The following CACNA1E variants were observed in gnomAD, a reference collection of about 807,000 sequenced individuals.
The protein encoded by CACNA1E is calcium voltage-gated channel subunit alpha1 E, also known as voltage-dependent R-type calcium channel subunit alpha-1E.
Under a neutral mutation model 259.2 loss-of-function variants are expected in CACNA1E, and 40 were observed. The ratio of observed to expected loss-of-function variants is 0.15; its 90% CI spans 0.12 to 0.20. The LOEUF (loss-of-function observed/expected upper bound fraction) is 0.20, where lower values mean the gene tolerates loss of function less well. CACNA1E is among the 10% of genes least tolerant of loss of function. The pLI is 1.00. For synonymous variants in CACNA1E, 1,104 were observed against 1,138.5 expected (o/e 0.97, Z 0.61); for missense variants, 1,874 against 3,040.1 (o/e 0.62, Z 9.02).
At chr1:181,526,791 T>G (rs1184097836) in intron 3 of CACNA1E, among the ~76,000 whole-genome samples, 4 of 152,210 alleles carry the variant, frequency 2.6e-5, no homozygotes, top group Admixed American at 6.5e-5. Context: ...ATTTCCTTAC[T>G]GGGAAATGAA....
At position 181,662,434 on chromosome 1, in the gene CACNA1E, A is replaced by G. The variant is rs141322747; in HGVS notation, c.1055+10993A>G. ...CATGCCCTATGTATAGCCTAGTAGT[A>G]AAATACAGACTCTAGACAGTCTAGC... On this transcript the variant is annotated intron_variant, in intron 7 of 47. Coordinates refer to ENST00000367573, the MANE Select transcript of CACNA1E (RefSeq NM_001205293.3). Among the ~76,000 whole-genome samples the G allele has an allele frequency of 6.3e-3, 955 of 152,274 alleles. 9 individuals are homozygous for G. Among genetic ancestry groups the G allele is most frequent in the African/African-American group, 0.022 (910 of 41,536 alleles).
rs532457675 is a variant in CACNA1E at position 181,798,846 on chromosome 1, C to G, written c.*12C>G. On this transcript the variant is annotated 3_prime_UTR_variant, in exon 48 of 48. Transcript: ENST00000367573. This position sits in a 1 kb window ranked among gnomAD's most constrained non-coding sequence, Gnocchi z 4.2. Reference sequence around the variant, plus strand: ...ATGACAAATGCTAGAGGCTGCTCCCCCCTCCGATGCATGCTCTTCTCTCAC... The same window carrying G: ...ATGACAAATGCTAGAGGCTGCTCCCGCCTCCGATGCATGCTCTTCTCTCAC... 1 of 1,498,004 alleles carries G rather than the reference C, an allele frequency of 6.7e-7. No individual in the cohort carries two copies. The highest frequency in any genetic ancestry group is 1.4e-5 in the South Asian group (1 of 73,962). 92.8% of individuals were successfully genotyped at this position (1,498,004 alleles called of 1,614,324 possible).
intron 7 of CACNA1E, among the ~76,000 whole-genome samples, chr1:181,670,028 T>C (rs934423910): frequency 5.9e-5 from 9 of 152,244 alleles, no homozygotes; most frequent in African/African-American, 2.2e-4. Context: ...TACCAAAATC[T>C]TGGGCTTTTC....
intron 3 of CACNA1E, among the ~76,000 whole-genome samples, chr1:181,523,258 C>G (rs953408160): frequency 3.3e-5 from 5 of 152,202 alleles, no homozygotes; most frequent in Non-Finnish European, 7.3e-5. Flanking sequence ...CCACTCCCCC[C>G]AGCTGTGACT....
At position 181,587,889 on chromosome 1, in the gene CACNA1E, A is replaced by AAAAG. The variant is rs769445553; in HGVS notation, c.951+7133_951+7136dup. Among the ~76,000 whole-genome samples the AAAAG allele has an allele frequency of 7.0e-4, 106 of 152,308 alleles. 1 individual carries two copies. The highest frequency in any genetic ancestry group is 2.2e-3 in the African/African-American group (90 of 41,566). ...AAGAGCGAGACTCCGTCTCAAGAAA[A>AAAAG]AAAGAAAGAAAGAAAGAAAGAAATG... On this transcript the variant is annotated intron_variant, in intron 6 of 47. Coordinates refer to ENST00000367573, the MANE Select transcript of CACNA1E (RefSeq NM_001205293.3).
rs763963291 is a variant in CACNA1E at position 181,737,658 on chromosome 1, G to A, written c.3552+4G>A. On this transcript the variant is annotated splice_donor_region_variant and intron_variant, in intron 23 of 47. Coordinates refer to ENST00000367573, the MANE Select transcript of CACNA1E (RefSeq NM_001205293.3). Reference sequence around the variant, plus strand: ...GACCAACTCGGAGCGCAACAAAGTGGGTACACAGGGGCCATGTGCCAGCCT... The same window carrying A: ...GACCAACTCGGAGCGCAACAAAGTGAGTACACAGGGGCCATGTGCCAGCCT... 9 of 1,612,942 alleles carry A rather than the reference G, an allele frequency of 5.6e-6. No homozygotes were observed. The highest frequency in any genetic ancestry group is 7.6e-6 in the Non-Finnish European group (9 of 1,179,356).
chr1:181,772,783 G>A (rs1318808586), intron 37 of CACNA1E, among the ~76,000 whole-genome samples: 1 of 152,158 alleles, frequency 6.6e-6, no homozygotes, highest in Non-Finnish European at 1.5e-5. Flanking sequence ...TAATTGACCA[G>A]CTGATAGATG....
At chr1:181,670,789 AG>A (rs1648712612) in intron 7 of CACNA1E, among the ~76,000 whole-genome samples, 1 of 152,126 alleles carries the variant, frequency 6.6e-6, no homozygotes, top group African/African-American at 2.4e-5. Flanking sequence ...CTGTTCACAG[AG>A]AAGTTTCTCC....
chr1:181,715,810 G>A (rs1653831205), intron 9 of CACNA1E, among the ~76,000 whole-genome samples: 1 of 152,210 alleles, frequency 6.6e-6, no homozygotes, highest in Non-Finnish European at 1.5e-5. Context: ...ATAGGCTCTA[G>A]CATGGCTTCC....
At chr1:181,785,255 G>C (rs1660758314) in intron 41 of CACNA1E, 63 bp from the exon 42 acceptor site, 2 of 937,248 alleles carry the variant, frequency 2.1e-6, no homozygotes, top group East Asian at 5.0e-5. Flanking sequence ...AAAGCTTAGA[G>C]GTTCCTCACT....
At chr1:181,527,158 G>T (rs1206348306) in intron 3 of CACNA1E, among the ~76,000 whole-genome samples, 2 of 152,224 alleles carry the variant, frequency 1.3e-5, no homozygotes, top group Non-Finnish European at 2.9e-5. Flanking sequence ...ATAAACAACA[G>T]AAATTTATTT....
At chr1:181,573,751 T>C (rs951159294) in intron 3 of CACNA1E, among the ~76,000 whole-genome samples, 1 of 152,198 alleles carries the variant, frequency 6.6e-6, no homozygotes, top group African/African-American at 2.4e-5. Context: ...AGAAATACCA[T>C]TTGACCCAGC....
intron 25 of CACNA1E, chr1:181,745,335 T>TC (rs1288102921): frequency 4.0e-6 from 2 of 497,548 alleles, no homozygotes; most frequent in African/African-American, 4.0e-5. Flanking sequence ...CAAGTATTTT[T>TC]TTTTTTTTTA....
At chr1:181,377,524 A>T (rs2101982667) in intron 1 of CACNA1E, among the ~76,000 whole-genome samples, 1 of 152,282 alleles carries the variant, frequency 6.6e-6, no homozygotes, top group South Asian at 2.1e-4. Context: ...TACAGCAGGG[A>T]TGAAATAGGA....
chr1:181,437,743 C>A (rs1407667550), intron 2 of CACNA1E, among the ~76,000 whole-genome samples: 1 of 152,138 alleles, frequency 6.6e-6, no homozygotes, highest in African/African-American at 2.4e-5. Flanking sequence ...CTCTGCTATA[C>A]CCCTGATGTA....
chr1:181,372,654 G>T (rs982104417), intron 1 of CACNA1E, among the ~76,000 whole-genome samples: 7 of 152,050 alleles, frequency 4.6e-5, no homozygotes, highest in African/African-American at 1.7e-4. Context: ...AGTGGCAAGA[G>T]TGGGCATCGT....
At chr1:181,702,724 C>T (rs181605393) in intron 7 of CACNA1E, among the ~76,000 whole-genome samples, 175 of 152,234 alleles carry the variant, frequency 1.1e-3, no homozygotes, top group Middle Eastern at 6.8e-3. Context: ...TCCTCCTCCC[C>T]GGATGTCTGC....
chr1:181,767,465 T>C (rs997241959), intron 35 of CACNA1E, among the ~76,000 whole-genome samples: 14 of 152,254 alleles, frequency 9.2e-5, no homozygotes, highest in African/African-American at 3.1e-4. Context: ...ACTTCGGCTA[T>C]GTGACAGCCT....
chr1:181,710,533 C>T (rs1000426196), intron 7 of CACNA1E, among the ~76,000 whole-genome samples: 3 of 152,150 alleles, frequency 2.0e-5, no homozygotes, highest in African/African-American at 7.2e-5. Context: ...AACCTTGATA[C>T]AGGGCCAACA....
Sources: gnomAD v4.1 joint callset for allele counts (sites outside exome capture counted in the v4.1 genomes callset) on GRCh38, gnomAD v4.1.1 for gene constraint, Gnocchi (gnomAD v3.1) non-coding constraint, MANE v1.5 for transcripts, NCBI Gene and HGNC (gene_info 2026-07-23, HGNC 2026-07-21) for gene names.